Variants in CEP350 observed in about 807,000 individuals in gnomAD.
CEP350 encodes the protein centrosomal protein 350, also known as centrosome-associated protein 350.
A neutral mutation model predicts 331.8 loss-of-function variants in CEP350; 126 were observed. The observed-to-expected ratio is 0.38, with a 90% CI of 0.33 to 0.44. CEP350 has a LOEUF of 0.44. CEP350 is among the 20% of genes least tolerant of loss of function. The pLI is 1.00. For synonymous variants in CEP350, 1,200 were observed against 1,259.5 expected (o/e 0.95, Z 1.00); for missense variants, 3,406 against 3,634.6 (o/e 0.94, Z 1.62).
chr1:180,081,827 C>A (rs1659587264), intron 30 of CEP350, among the ~76,000 whole-genome samples: 1 of 152,076 alleles, frequency 6.6e-6, no homozygotes, highest in Admixed American at 6.6e-5. Context: ...GTGTGTTTAT[C>A]ATGTATAATA....
chr1:180,036,417 G>A (rs1656359564), intron 16 of CEP350, among the ~76,000 whole-genome samples: 2 of 152,182 alleles, frequency 1.3e-5, no homozygotes, highest in Admixed American at 1.3e-4. Flanking sequence ...AATCTTTTGT[G>A]AAAGCAAGAG....
At chr1:179,995,246 G>A (rs780092338) in intron 5 of CEP350, among the ~76,000 whole-genome samples, 3 of 151,820 alleles carry the variant, frequency 2.0e-5, no homozygotes, top group Non-Finnish European at 4.4e-5. Flanking sequence ...TGATTCATGT[G>A]CTCTTCTCAC....
chr1:179,961,035 A>AT (rs1444690567), intron 1 of CEP350, among the ~76,000 whole-genome samples: 1 of 152,238 alleles, frequency 6.6e-6, no homozygotes, highest in African/African-American at 2.4e-5. Context: ...CCAAAGGTTG[A>AT]TTTTTTACAT....
At chr1:179,969,603 T>G (rs1651285106) in intron 1 of CEP350, 1 of 314,558 alleles carries the variant, frequency 3.2e-6, no homozygotes. Context: ...AAATTATTTC[T>G]TTTTTCCTTG....
intron 8 of CEP350, among the ~76,000 whole-genome samples, chr1:180,008,146 A>G (rs1483135776): frequency 6.6e-6 from 1 of 152,166 alleles, no homozygotes. Context: ...AAAGAGAATA[A>G]ATGTTGCACA....
At chr1:180,050,315 C>T (rs1479007794) in intron 22 of CEP350, among the ~76,000 whole-genome samples, 1 of 152,004 alleles carries the variant, frequency 6.6e-6, no homozygotes, top group East Asian at 1.9e-4. Flanking sequence ...ATATTTGCAG[C>T]TCACATATTT....
rs192169493 is a variant in CEP350, at chr1:179,974,561, A to G, written c.-13-11608A>G. Among the ~76,000 whole-genome samples the G allele has an allele frequency of 3.9e-5, 6 of 152,236 alleles. No homozygotes were observed. The East Asian group carries it at 1.2e-3, about 29-fold the overall frequency. ...GTAACTCTATTACAGCACTCATTATATTGTATACTATTTGTTTATGTGTGT... is the reference window on the plus strand; with the variant it reads ...GTAACTCTATTACAGCACTCATTATGTTGTATACTATTTGTTTATGTGTGT... On this transcript the variant is annotated intron_variant, in intron 1 of 37. Transcript: ENST00000367607.
chr1:180,024,532 G>T lies in CEP350; in HGVS notation c.3500G>T (p.Arg1167Leu), dbSNP rs78647432. The change falls in exon 14 of 38, where the codon CGT becomes CTT. Residue 1167 changes from arginine (R) to leucine (L), a missense_variant. Around this residue, in one of 5 missense-constraint regions of CEP350, gnomAD observed 1,857 missense variants for 1,909.2 expected, o/e 0.97. Coordinates refer to ENST00000367607, the MANE Select transcript of CEP350 (RefSeq NM_014810.5). ...SSGAQSAASS[R>L]SSTSSKGKKG... ...GGAGCCCAGTCTGCTGCATCGTCTC[G>T]TTCATCTACTTCTTCTAAAGGAAAG... is the stretch of plus-strand genomic sequence containing the variant. The T allele has an allele frequency of 6.2e-7, 1 of 1,612,898 alleles. No homozygotes were observed. Among genetic ancestry groups the T allele is most frequent in the South Asian group, 1.1e-5 (1 of 91,020 alleles).
intron 3 of CEP350, among the ~76,000 whole-genome samples, chr1:179,988,355 A>G (rs1652801111): frequency 6.6e-6 from 1 of 152,140 alleles, no homozygotes; most frequent in South Asian, 2.1e-4. Context: ...TCTATGTAGA[A>G]AGCTCATTGT....
intron 19 of CEP350, among the ~76,000 whole-genome samples, chr1:180,042,061 A>C (rs1180449782): frequency 2.6e-5 from 4 of 151,818 alleles, no homozygotes; most frequent in African/African-American, 7.3e-5. Flanking sequence ...AAAAATATCA[A>C]CTTTATTGAT....
At chr1:180,031,937 T>A (rs1656049861) in intron 15 of CEP350, among the ~76,000 whole-genome samples, 1 of 152,168 alleles carries the variant, frequency 6.6e-6, no homozygotes, top group South Asian at 2.1e-4. Context: ...ATGTCAATTC[T>A]CATCTATTCA....
Position 180,020,560 on chromosome 1 carries a change from A to G in CEP350, c.2786A>G (p.Gln929Arg). 1.2e-6 allele frequency: 2 copies of G among 1,614,034 alleles called. No homozygotes were observed. The highest frequency in any genetic ancestry group is 1.7e-6 in the Non-Finnish European group (2 of 1,179,904). Reference protein sequence around the residue: ...FKKLPEMIRPQSAISSFRVRS... With the variant: ...FKKLPEMIRPRSAISSFRVRS... ...AAGCTTCCTGAGATGATAAGACCACAGAGTGCCATATCAAGCTTTAGAGTG... is the reference window on the plus strand; with the variant it reads ...AAGCTTCCTGAGATGATAAGACCACGGAGTGCCATATCAAGCTTTAGAGTG... The change falls in exon 12 of 38, where the codon CAG (glutamine) becomes CGG (arginine). Residue 929 changes from glutamine to arginine, a missense_variant. By Grantham distance (43) the Gln-to-Arg change is conservative. Coordinates refer to ENST00000367607, the MANE Select transcript of CEP350 (RefSeq NM_014810.5).
chr1:179,990,105 G>GA (rs1195854797), intron 3 of CEP350, among the ~76,000 whole-genome samples: 1 of 151,850 alleles, frequency 6.6e-6, no homozygotes, highest in Non-Finnish European at 1.5e-5. Flanking sequence ...AGAATCTCTT[G>GA]AACCCGTGAG....
chr1:180,063,658 T>C (rs1351610893), intron 26 of CEP350, among the ~76,000 whole-genome samples: 1 of 151,988 alleles, frequency 6.6e-6, no homozygotes, highest in Non-Finnish European at 1.5e-5. Flanking sequence ...ACAAAAAATA[T>C]AAAAATTAGC....
chr1:180,003,036 A>C (rs1489456362), intron 6 of CEP350, 138 bp from the exon 7 acceptor site: 6 of 596,068 alleles, frequency 1.0e-5, no homozygotes, highest in African/African-American at 3.7e-5. Context: ...TTTTGTGAAT[A>C]TACTATAAAC....
At position 180,055,241 on chromosome 1, in the gene CEP350, G is replaced by A. The variant is rs148136375; in HGVS notation, c.5262+739G>A. ...TTGTCACTTGAAACTGTGTAATCAT[G>A]GTCAAAGTTTAAGTAACTCTCTGAG... On this transcript the variant is annotated intron_variant, in intron 25 of 37. Transcript: ENST00000367607. Among the ~76,000 whole-genome samples, 81 of 152,228 alleles carry A rather than the reference G, an allele frequency of 5.3e-4. 1 individual carries two copies. In the East Asian group the frequency reaches 0.014, roughly 27 times the overall value.
chr1:180,015,036 A>G (rs992795334), intron 10 of CEP350, among the ~76,000 whole-genome samples: 6 of 152,172 alleles, frequency 3.9e-5, no homozygotes, highest in African/African-American at 1.4e-4. Context: ...TATATTGACT[A>G]TTCATTAAGT....
intron 27 of CEP350, among the ~76,000 whole-genome samples, chr1:180,074,573 C>A (rs1298235166): frequency 6.6e-6 from 1 of 152,010 alleles, no homozygotes; most frequent in Non-Finnish European, 1.5e-5. Flanking sequence ...TGTTTGCTTG[C>A]TTGTTTTGGG....
chr1:180,066,078 C>A (rs1658531378), intron 27 of CEP350, among the ~76,000 whole-genome samples: 1 of 152,048 alleles, frequency 6.6e-6, no homozygotes, highest in Non-Finnish European at 1.5e-5. Flanking sequence ...TCTTAACATT[C>A]TTCTAAAATA....
Sources: allele counts gnomAD v4.1 joint callset (sites outside exome capture counted in the v4.1 genomes callset), GRCh38; gene constraint gnomAD v4.1.1; regional missense constraint gnomAD v4.1.1; transcripts MANE v1.5; gene names NCBI Gene and HGNC (gene_info 2026-07-23, HGNC 2026-07-21).